The following KLF17 variants were observed in gnomAD, a reference collection of about 807,000 sequenced individuals.
KLF17 encodes the protein Krueppel-like factor 17.
A neutral mutation model predicts 34.2 loss-of-function variants in KLF17; 31 were observed. The ratio of observed to expected loss-of-function variants is 0.91; its 90% CI spans 0.68 to 1.22. KLF17 has a LOEUF of 1.22. Ranked by LOEUF, KLF17 falls within the 50% of genes most tolerant of loss-of-function variation. The pLI, the probability that KLF17 is intolerant of heterozygous loss-of-function variation, is 0.00. For missense variants in KLF17, 478 were observed against 505.2 expected (o/e 0.95, Z 0.52); for synonymous variants, 179 against 186.7 (o/e 0.96, Z 0.34).
At chr1:44,060,257 G>A in the KLF17 span, among the ~76,000 whole-genome samples, 1 of 152,112 alleles carries the variant, frequency 6.6e-6, no homozygotes, top group African/African-American at 2.4e-5. Context: ...ATCACTTGAG[G>A]TCAGGAGTTA....
the KLF17 span, among the ~76,000 whole-genome samples, chr1:44,059,186 G>T: frequency 2.0e-5 from 3 of 152,160 alleles, no homozygotes; most frequent in Non-Finnish European, 2.9e-5. Flanking sequence ...CTATTTAAAA[G>T]AATCAACACT....
chr1:44,127,643 T>C (rs1468985717), intron 1 of KLF17, among the ~76,000 whole-genome samples: 31 of 52,640 alleles, frequency 5.9e-4, no homozygotes, highest in African/African-American at 2.7e-3. Context: ...TCTTTCCTTC[T>C]TTCTTTCTTT....
chr1:44,053,504 G>A, the KLF17 span, among the ~76,000 whole-genome samples: 2 of 152,094 alleles, frequency 1.3e-5, no homozygotes, highest in African/African-American at 2.4e-5. Flanking sequence ...CCACCTCAAA[G>A]TCAGCAGGCA....
the KLF17 span, among the ~76,000 whole-genome samples, chr1:44,077,492 C>T: frequency 9.9e-5 from 15 of 152,118 alleles, no homozygotes; most frequent in South Asian, 4.1e-4. Context: ...TTAATTTAGA[C>T]GGGACACAGT....
chr1:44,095,229 T>C, the KLF17 span, among the ~76,000 whole-genome samples: 1,006 of 119,872 alleles, frequency 8.4e-3, 16 homozygotes, highest in African/African-American at 0.029. Context: ...TTTTTTTTTT[T>C]CCTGAGACAG....
chr1:44,100,048 C>T, the KLF17 span, among the ~76,000 whole-genome samples: 1 of 149,040 alleles, frequency 6.7e-6, no homozygotes, highest in African/African-American at 2.5e-5. Context: ...CCAGCCTGGC[C>T]AACATGGTGA....
At chr1:44,110,289 GAAGTA>G in the KLF17 span, 2 of 152,218 alleles carry the variant, frequency 1.3e-5, no homozygotes, top group African/African-American at 4.8e-5. Flanking sequence ...AGAAAAGTAA[GAAGTA>G]AAGGTAGACA....
At chr1:44,103,290 G>C in the KLF17 span, 2 of 713,884 alleles carry the variant, frequency 2.8e-6, no homozygotes, top group African/African-American at 3.5e-5. Flanking sequence ...AGGCTGGGAG[G>C]GGCTGCCCTG....
chr1:44,130,831 C>T, intron 3 of KLF17, 75 bp downstream of exon 3: 1 of 1,455,792 alleles, frequency 6.9e-7, no homozygotes, highest in Non-Finnish European at 9.4e-7. Context: ...GAGTCTCACT[C>T]TGTCTCCCAG....
At chr1:44,098,801 C>T in the KLF17 span, among the ~76,000 whole-genome samples, 11 of 152,090 alleles carry the variant, frequency 7.2e-5, no homozygotes, top group East Asian at 3.9e-4. Context: ...CCGCCCACCT[C>T]GGCCTCCCAA....
chr1:44,082,795 A>G, the KLF17 span, among the ~76,000 whole-genome samples: 1 of 152,200 alleles, frequency 6.6e-6, no homozygotes, highest in Non-Finnish European at 1.5e-5. Context: ...TCTCTACCTT[A>G]GAAACGCGAC....
At chr1:44,103,221 C>T in the KLF17 span, 5 of 639,078 alleles carry the variant, frequency 7.8e-6, no homozygotes, top group South Asian at 7.0e-5. Flanking sequence ...TCTCCCGTTC[C>T]CTGTGCTCCC....
the KLF17 span, among the ~76,000 whole-genome samples, chr1:44,108,818 A>T: frequency 6.6e-6 from 1 of 151,750 alleles, no homozygotes; most frequent in African/African-American, 2.4e-5. Context: ...GGTGCATACC[A>T]CCATACCCTG....
At chr1:44,087,705 G>C in the KLF17 span, among the ~76,000 whole-genome samples, 1 of 130,146 alleles carries the variant, frequency 7.7e-6, no homozygotes, top group Non-Finnish European at 1.6e-5. Context: ...GAGCTCTCTG[G>C]TGCCTCTTCC....
At chr1:44,124,480 C>T (rs1413922164) in intron 1 of KLF17, among the ~76,000 whole-genome samples, 2 of 149,362 alleles carry the variant, frequency 1.3e-5, no homozygotes, top group East Asian at 3.9e-4. Context: ...AGGCACGTGC[C>T]ACCACACTTG....
the KLF17 span, among the ~76,000 whole-genome samples, chr1:44,090,306 C>CAAAAAAAA: frequency 0.015 from 342 of 23,420 alleles, 99 homozygotes; most frequent in South Asian, 0.047. Flanking sequence ...CTTGTCTCTA[C>CAAAAAAAA]AAAAAAAAAA....
the KLF17 span, among the ~76,000 whole-genome samples, chr1:44,046,539 T>TCACACA: frequency 2.0e-4 from 5 of 25,342 alleles, no homozygotes; most frequent in South Asian, 2.8e-3. Flanking sequence ...ACACACACAC[T>TCACACA]CACACACACA....
At chr1:44,106,125 T>C in the KLF17 span, among the ~76,000 whole-genome samples, 1 of 152,072 alleles carries the variant, frequency 6.6e-6, no homozygotes, top group Non-Finnish European at 1.5e-5. Flanking sequence ...TCACAGGAAG[T>C]ACACTCATCC....
At chr1:44,071,504 G>C in the KLF17 span, among the ~76,000 whole-genome samples, 2 of 152,000 alleles carry the variant, frequency 1.3e-5, no homozygotes, top group African/African-American at 4.8e-5. Flanking sequence ...CCCTGTGTCA[G>C]TGAGAAGCAT....
Sources: gnomAD v4.1 joint callset for allele counts (sites outside exome capture counted in the v4.1 genomes callset) on GRCh38, gnomAD v4.1.1 for gene constraint, MANE v1.5 for transcripts, NCBI Gene and HGNC (gene_info 2026-07-23, HGNC 2026-07-21) for gene names.